Variants in CCDC88C observed in about 807,000 individuals in gnomAD.
CCDC88C encodes protein Daple.
CCDC88C carries 131 observed loss-of-function variants against 198.8 expected under a neutral mutation model. That is an observed-to-expected ratio of 0.66 (90% confidence interval 0.57 to 0.76). The LOEUF (loss-of-function observed/expected upper bound fraction) is 0.76. CCDC88C is among the 30% of genes least tolerant of loss of function. CCDC88C has a pLI of 0.00. For synonymous variants in CCDC88C, 1,166 were observed against 1,114.7 expected, an observed-to-expected ratio of 1.05 and a Z score of -0.92; for missense variants, 2,553 against 2,631.6, an observed-to-expected ratio of 0.97 and a Z score of 0.65.
rs1161446332 is a variant in CCDC88C, at chr14:91,271,706, CAA to C, written c.*917_*918del. 1.3e-5 allele frequency: 2 copies of C among 152,230 alleles called. No individual in the cohort carries two copies. The highest frequency in any genetic ancestry group is 6.5e-5 in the Admixed American group (1 of 15,282). The allele number at this position is 152,230 out of a possible 1,614,324, so 9.4% of individuals were successfully genotyped here. ...ATTAAAAAAAATTGGTTTCTATACC[CAA>C]AAAGTTATTCAGAAATAAATCAACA... On this transcript the variant is annotated 3_prime_UTR_variant, in exon 30 of 30. Transcript: ENST00000389857.
chr14:91,379,739 G>A, intron 3 of CCDC88C: 1 of 677,396 alleles, frequency 1.5e-6, no homozygotes, highest in Non-Finnish European at 2.7e-6. Flanking sequence ...TCCATGGCCA[G>A]GCCTGGCAGC....
At chr14:91,375,267 G>A (rs1278165198) in intron 3 of CCDC88C, among the ~76,000 whole-genome samples, 1 of 151,954 alleles carries the variant, frequency 6.6e-6, no homozygotes, top group Non-Finnish European at 1.5e-5. Flanking sequence ...GTCTGTGTGT[G>A]TGTGTGCGCG....
chr14:91,356,473 G>C (rs535324019), intron 4 of CCDC88C, among the ~76,000 whole-genome samples: 1 of 152,152 alleles, frequency 6.6e-6, no homozygotes, highest in Non-Finnish European at 1.5e-5. Context: ...TCCACCTTCA[G>C]AGCTGGGACC....
intron 10 of CCDC88C, among the ~76,000 whole-genome samples, chr14:91,330,683 C>A (rs185568600): frequency 8.5e-5 from 13 of 152,098 alleles, no homozygotes; most frequent in Admixed American, 2.0e-4. Context: ...CTTGAGCACC[C>A]GAGTGGATGT....
At position 91,305,885 on chromosome 14, in the gene CCDC88C, C is replaced by T. The variant is rs747069872; in HGVS notation, c.3237G>A (p.Gln1079=). 1.9e-6 allele frequency: 3 copies of T among 1,613,910 alleles called. No individual in the cohort carries two copies. The South Asian group carries it at 3.3e-5, about 18-fold the overall frequency. Residue 1079 remains glutamine, a synonymous_variant, in exon 19 of 30, where the codon CAG becomes CAA. Transcript: ENST00000389857. ...CGTTCTGGGTCTCCAGGTGCTGCAG[C>T]TGTTCCTTTAGCAGCTGCTTCTCAG... ...LQAEKQLLKE[Q]LQHLETQNVT...
intron 22 of CCDC88C, among the ~76,000 whole-genome samples, chr14:91,294,957 C>G (rs1436105722): frequency 1.3e-5 from 2 of 152,228 alleles, no homozygotes; most frequent in Admixed American, 6.5e-5. Flanking sequence ...CGCGCCTGGC[C>G]TGAAGTCTGC....
intron 17 of CCDC88C, among the ~76,000 whole-genome samples, chr14:91,307,585 CTGCTGGCACTGGAGCAGCTT>C (rs1891613808): frequency 6.6e-6 from 1 of 152,242 alleles, no homozygotes; most frequent in African/African-American, 2.4e-5. Flanking sequence ...CTCAAAGCCC[CTGCTGGCACTGGAGCAGCTT>C]TATCCAGATT....
chr14:91,317,781 G>A (rs1182067483), intron 13 of CCDC88C, among the ~76,000 whole-genome samples: 2 of 152,212 alleles, frequency 1.3e-5, no homozygotes, highest in Non-Finnish European at 2.9e-5. Context: ...AGGAGAGGCT[G>A]GCGTCGGGCC....
intron 3 of CCDC88C, among the ~76,000 whole-genome samples, chr14:91,375,807 A>G (rs529508706): frequency 5.9e-5 from 9 of 152,148 alleles, no homozygotes; most frequent in Admixed American, 4.6e-4. Flanking sequence ...CCTCAGGGCG[A>G]GTGGGGGGCA....
chr14:91,412,949 TAA>T (rs1212295096), intron 2 of CCDC88C, among the ~76,000 whole-genome samples: 1 of 152,152 alleles, frequency 6.6e-6, no homozygotes, highest in Non-Finnish European at 1.5e-5. Context: ...TGCACTGGGG[TAA>T]AAGTTATCCT....
intron 3 of CCDC88C, among the ~76,000 whole-genome samples, chr14:91,382,636 G>T (rs183274943): frequency 1.9e-3 from 286 of 152,248 alleles, no homozygotes; most frequent in South Asian, 6.6e-3. Flanking sequence ...AGCTGGGGAT[G>T]AAATTAAATC....
chr14:91,307,213 C>T lies in CCDC88C; in HGVS notation c.3020G>A (p.Cys1007Tyr), dbSNP rs917595672. The T allele has an allele frequency of 5.6e-6, 9 of 1,613,470 alleles. No individual in the cohort carries two copies. Among genetic ancestry groups the T allele is most frequent in the Middle Eastern group, 1.6e-4 (1 of 6,064 alleles). The part of the protein sequence containing the change: ...ESELQMLKKE[C>Y]ETLRQNQGEG... ...TCCCTGGTTCTGCCTGAGGGTCTCA[C>T]ACTCCTTCTTTAGCTACAGGTGTGA... Residue 1007 changes from cysteine (C) to tyrosine (Y), a missense_variant, in exon 18 of 30, where the codon TGT becomes TAT. Physicochemically the swap from Cys to Tyr is radical, Grantham distance 194. Around this residue, in one of 2 missense-constraint regions of CCDC88C, gnomAD observed 1,260 missense variants for 1,412.0 expected, o/e 0.89. Transcript: ENST00000389857.
At chr14:91,308,180 G>A (rs1596052321) in intron 17 of CCDC88C, among the ~76,000 whole-genome samples, 171 bp downstream of exon 17, 2 of 152,286 alleles carry the variant, frequency 1.3e-5, no homozygotes, top group Admixed American at 1.3e-4. Flanking sequence ...GTTCTGTTTG[G>A]CCCTAGTGCG....
At chr14:91,417,451 A>C in intron 1 of CCDC88C, 180 bp downstream of exon 1, 1 of 577,912 alleles carries the variant, frequency 1.7e-6, no homozygotes, top group Non-Finnish European at 3.0e-6. Context: ...CGCCGGCTCC[A>C]GAGTTACAAA....
intron 10 of CCDC88C, among the ~76,000 whole-genome samples, chr14:91,337,487 G>A (rs1016643042): frequency 1.3e-5 from 2 of 152,180 alleles, no homozygotes; most frequent in East Asian, 1.9e-4. Context: ...CTGCAGGCAC[G>A]TGGCACTATG....
rs138096468 is a variant in CCDC88C at position 91,403,723 on chromosome 14, A to G, written c.270+4936T>C. On this transcript the variant is annotated intron_variant, in intron 3 of 29. Coordinates refer to ENST00000389857, the MANE Select transcript of CCDC88C (RefSeq NM_001080414.4). ...GGCAGGAGGACTGCTTGAGCTCCCAAGTTTGAGACCAGCCTGGCCAACATA... is the reference window on the plus strand; with the variant it reads ...GGCAGGAGGACTGCTTGAGCTCCCAGGTTTGAGACCAGCCTGGCCAACATA... Among the ~76,000 whole-genome samples the G allele has an allele frequency of 4.6e-5, 7 of 152,324 alleles. No homozygotes were observed. In the East Asian group the frequency reaches 1.3e-3, roughly 29 times the overall value.
At chr14:91,303,137 C>A (rs942055994) in intron 20 of CCDC88C, among the ~76,000 whole-genome samples, 1 of 152,134 alleles carries the variant, frequency 6.6e-6, no homozygotes, top group Non-Finnish European at 1.5e-5. Context: ...CAGTCCTCCG[C>A]GCAGCCTGAC....
chr14:91,331,031 G>A (rs1394458451), intron 10 of CCDC88C, among the ~76,000 whole-genome samples: 2 of 151,508 alleles, frequency 1.3e-5, no homozygotes, highest in Non-Finnish European at 2.9e-5. Flanking sequence ...AGGAGGGGCT[G>A]GGGCTGAGGA....
At chr14:91,275,041 G>C (rs1376048491) in intron 29 of CCDC88C, among the ~76,000 whole-genome samples, 3 of 152,114 alleles carry the variant, frequency 2.0e-5, no homozygotes, top group East Asian at 1.9e-4. Flanking sequence ...GGCGCGGTGG[G>C]CATACGGTTG....
Sources: gnomAD v4.1 joint callset for allele counts (sites outside exome capture counted in the v4.1 genomes callset) on GRCh38, gnomAD v4.1.1 for gene constraint, gnomAD v4.1.1 regional missense constraint, MANE v1.5 for transcripts, NCBI Gene and HGNC (gene_info 2026-07-23, HGNC 2026-07-21) for gene names.